KCNK1: variants seen among roughly 807,000 people sequenced by gnomAD.
KCNK1 encodes the protein potassium channel subfamily K member 1.
KCNK1 carries 10 observed loss-of-function variants against 22.2 expected under a neutral mutation model. The ratio of observed to expected loss-of-function variants is 0.45; its 90% CI spans 0.28 to 0.76. KCNK1 has a LOEUF of 0.76. Among genes scored for constraint, KCNK1 ranks in the 30% least tolerant of loss-of-function variants. The probability of loss-of-function intolerance (pLI) is 0.14; values close to 1 mark genes in which losing one functional copy is unlikely to be tolerated. For missense variants in KCNK1, 378 were observed against 421.0 expected (o/e 0.90, Z 0.89); for synonymous variants, 200 against 186.4 (o/e 1.07, Z -0.60).
At chr1:233,643,050 G>A (rs1319939406) in intron 1 of KCNK1, among the ~76,000 whole-genome samples, 1 of 151,186 alleles carries the variant, frequency 6.6e-6, no homozygotes. Flanking sequence ...CCAAATTGCT[G>A]GTATACAGGC....
intron 1 of KCNK1, among the ~76,000 whole-genome samples, chr1:233,638,915 C>G (rs766693228): frequency 8.5e-5 from 13 of 152,298 alleles, no homozygotes; most frequent in Non-Finnish European, 8.8e-5. Context: ...ACATGTTTCC[C>G]ACTACCTCGG....
chr1:233,640,533 A>G (rs979128762), intron 1 of KCNK1, among the ~76,000 whole-genome samples: 3 of 152,240 alleles, frequency 2.0e-5, no homozygotes, highest in Admixed American at 1.3e-4. Context: ...TGACTTCAAA[A>G]GTCATTTTCA....
At chr1:233,640,391 C>A (rs930914686) in intron 1 of KCNK1, among the ~76,000 whole-genome samples, 3 of 152,142 alleles carry the variant, frequency 2.0e-5, no homozygotes, top group African/African-American at 7.2e-5. Context: ...TCTCAGGAAA[C>A]CTAACCTTGC....
intron 2 of KCNK1, among the ~76,000 whole-genome samples, chr1:233,668,884 C>T (rs1193204780): frequency 3.3e-5 from 5 of 152,328 alleles, no homozygotes; most frequent in Non-Finnish European, 4.4e-5. Flanking sequence ...GGATTACAGG[C>T]GTGAGCCACC....
At chr1:233,622,061 C>T (rs1215798562) in intron 1 of KCNK1, among the ~76,000 whole-genome samples, 1 of 152,144 alleles carries the variant, frequency 6.6e-6, no homozygotes, top group Non-Finnish European at 1.5e-5. Context: ...CTATCAAGAA[C>T]AGAATCTTTG....
Position 233,672,340 on chromosome 1 carries a change from A to G in KCNK1, c.*810A>G, listed in dbSNP as rs1658615548. The G allele has an allele frequency of 6.6e-6, 1 of 152,054 alleles. No homozygotes were observed. 9.4% of individuals were successfully genotyped at this position (152,054 alleles called of 1,614,324 possible). Reference sequence around the variant, plus strand: ...TTTTTGAATTGAACAGGTTATGAAAAGGATTTATTAAAAGGTTAAGATACT... The same window carrying G: ...TTTTTGAATTGAACAGGTTATGAAAGGGATTTATTAAAAGGTTAAGATACT... On this transcript the variant is annotated 3_prime_UTR_variant, in exon 3 of 3. Coordinates refer to ENST00000366621, the MANE Select transcript of KCNK1 (RefSeq NM_002245.4).
At position 233,671,320 on chromosome 1, in the gene KCNK1, C is replaced by T; in HGVS notation, c.801C>T (p.Phe267=). The T allele has an allele frequency of 6.2e-7, 1 of 1,614,164 alleles. No individual in the cohort carries two copies. The highest frequency in any genetic ancestry group is 1.3e-5 in the African/African-American group (1 of 75,034). Residue 267 remains phenylalanine (F), a synonymous_variant, in exon 3 of 3, where the codon TTC becomes TTT. Transcript: ENST00000366621. The part of the protein sequence containing the change: ...LIAMLVVLET[F]CELHELKKFR... ...CCATGTTGGTAGTTCTGGAAACCTT[C>T]TGTGAACTCCATGAGCTGAAAAAAT...
Position 233,614,467 on chromosome 1 carries a change from A to G in KCNK1, c.296A>G (p.Asn99Ser), listed in dbSNP as rs1317571678. ...TCGGTGCTCAGCAACGCCTCGGGCA[A>G]CTGGAACTGGGACTTCACCTCCGCG... ...GVSVLSNASG[N>S]WNWDFTSALF... Residue 99 changes from asparagine to serine, a missense_variant, in exon 1 of 3, where the codon AAC (asparagine) becomes AGC (serine). By Grantham distance (46) the Asn-to-Ser change is conservative (BLOSUM62 1). Coordinates refer to ENST00000366621, the MANE Select transcript of KCNK1 (RefSeq NM_002245.4). 16 of 1,613,148 alleles carry G rather than the reference A, an allele frequency of 9.9e-6. No homozygotes were observed. Among genetic ancestry groups the G allele is most frequent in the African/African-American group, 2.7e-5 (2 of 75,010 alleles).
chr1:233,658,920 T>C (rs1318108213), intron 1 of KCNK1, among the ~76,000 whole-genome samples: 4 of 152,200 alleles, frequency 2.6e-5, no homozygotes, highest in African/African-American at 9.6e-5. Context: ...GCCTCGGAGA[T>C]TACTGTTCAC....
intron 2 of KCNK1, among the ~76,000 whole-genome samples, chr1:233,669,845 T>G (rs1314877303): frequency 6.6e-6 from 1 of 152,152 alleles, no homozygotes; most frequent in Non-Finnish European, 1.5e-5. Flanking sequence ...GATCCATCAA[T>G]TAGTCTAACA....
In KCNK1 at chr1:233,644,007, T is replaced by C. The variant is rs535076376; in HGVS notation, c.356-22588T>C. On this transcript the variant is annotated intron_variant, in intron 1 of 2. Transcript: ENST00000366621. Reference sequence around the variant, plus strand: ...TTCTTAAACAGACCAGTTACTGTCCTGGTCCATTTGAGGTTGCTGTAAGAG... The same window carrying C: ...TTCTTAAACAGACCAGTTACTGTCCCGGTCCATTTGAGGTTGCTGTAAGAG... Among the ~76,000 whole-genome samples, 19 of 152,354 alleles carry C rather than the reference T, an allele frequency of 1.2e-4. No homozygotes were observed. In the South Asian group the frequency reaches 2.9e-3, roughly 23 times the overall value.
At chr1:233,652,686 A>G (rs574624110) in intron 1 of KCNK1, among the ~76,000 whole-genome samples, 1 of 152,306 alleles carries the variant, frequency 6.6e-6, no homozygotes, top group Admixed American at 6.5e-5. Context: ...CTATCCATAG[A>G]CCACATTCCC....
chr1:233,627,725 C>G (rs1028910277), intron 1 of KCNK1, among the ~76,000 whole-genome samples: 1 of 152,268 alleles, frequency 6.6e-6, no homozygotes, highest in East Asian at 1.9e-4. Flanking sequence ...CCCATCTCAC[C>G]CTCCCCTCCA....
intron 2 of KCNK1, among the ~76,000 whole-genome samples, chr1:233,667,845 C>T (rs899499832): frequency 4.0e-5 from 6 of 151,810 alleles, no homozygotes; most frequent in Admixed American, 3.3e-4. Context: ...GAAAACTAGG[C>T]CTCGGATAGA....
At chr1:233,666,466 A>T in intron 1 of KCNK1, 129 bp from the exon 2 acceptor site, 2 of 801,754 alleles carry the variant, frequency 2.5e-6, no homozygotes, top group Non-Finnish European at 3.8e-6. Context: ...CTAAAGTGGC[A>T]GACCTGAAGT....
intron 1 of KCNK1, among the ~76,000 whole-genome samples, chr1:233,615,235 A>T (rs1439377569): frequency 6.6e-6 from 1 of 152,188 alleles, no homozygotes; most frequent in African/African-American, 2.4e-5. Flanking sequence ...CTAAGATCTG[A>T]CTTAATTGGG....
chr1:233,635,593 A>ATTT (rs34927700), intron 1 of KCNK1, among the ~76,000 whole-genome samples: 1 of 151,598 alleles, frequency 6.6e-6, no homozygotes, highest in African/African-American at 2.4e-5. Flanking sequence ...TAAGCCAATA[A>ATTT]TTTTTTTTTG....
At chr1:233,624,945 G>A (rs1002411408) in intron 1 of KCNK1, among the ~76,000 whole-genome samples, 2 of 152,154 alleles carry the variant, frequency 1.3e-5, no homozygotes, top group African/African-American at 4.8e-5. Context: ...GGTTGGGATC[G>A]GAGATACAAT....
intron 1 of KCNK1, among the ~76,000 whole-genome samples, chr1:233,651,297 A>G (rs1307726790): frequency 6.6e-6 from 1 of 152,206 alleles, no homozygotes; most frequent in African/African-American, 2.4e-5. Flanking sequence ...ACCTCATTCT[A>G]AAAGTGCATT....
Sources: gnomAD v4.1 joint callset for allele counts (sites outside exome capture counted in the v4.1 genomes callset) on GRCh38, gnomAD v4.1.1 for gene constraint, MANE v1.5 for transcripts, NCBI Gene and HGNC (gene_info 2026-07-23, HGNC 2026-07-21) for gene names.